Variants in PLCB1 observed in about 807,000 individuals in gnomAD.
PLCB1 encodes 1-phosphatidylinositol 4,5-bisphosphate phosphodiesterase beta-1.
Under a neutral mutation model 161.8 loss-of-function variants are expected in PLCB1, and 46 were observed. The observed-to-expected ratio is 0.28, with a 90% CI of 0.22 to 0.36. PLCB1 has a LOEUF of 0.36. Ranked by LOEUF, PLCB1 falls within the 10% of genes least tolerant of loss-of-function variation. PLCB1 has a pLI of 1.00. For missense variants in PLCB1, 1,016 were observed against 1,472.5 expected (o/e 0.69, Z 5.07); for synonymous variants, 517 against 503.7 (o/e 1.03, Z -0.35).
chr20:8,658,463 C>G, intron 8 of PLCB1, 75 bp from the exon 9 acceptor site: 1 of 1,133,544 alleles, frequency 8.8e-7, no homozygotes, highest in Non-Finnish European at 1.3e-6. Flanking sequence ...TTTTATTTCC[C>G]TAGAGTTAAA....
intron 27 of PLCB1, among the ~76,000 whole-genome samples, chr20:8,784,379 A>G (rs1983380991): frequency 6.6e-6 from 1 of 152,110 alleles, no homozygotes; most frequent in Admixed American, 6.5e-5. Context: ...CCTGGGCAAC[A>G]TGGTGAAACC....
chr20:8,181,186 T>C (rs1279651873), intron 2 of PLCB1, among the ~76,000 whole-genome samples: 1 of 146,922 alleles, frequency 6.8e-6, no homozygotes, highest in Non-Finnish European at 1.5e-5. Context: ...GAGGCGGAGG[T>C]TGCAGTGAGC....
intron 3 of PLCB1, among the ~76,000 whole-genome samples, chr20:8,375,307 A>C (rs896825541): frequency 2.6e-5 from 4 of 152,202 alleles, no homozygotes; most frequent in Non-Finnish European, 5.9e-5. Context: ...TGCTATGTAC[A>C]TGTACTTTCT....
At chr20:8,423,297 A>T (rs1413672257) in intron 3 of PLCB1, among the ~76,000 whole-genome samples, 1 of 152,230 alleles carries the variant, frequency 6.6e-6, no homozygotes, top group Admixed American at 6.5e-5. Context: ...GAATGAATAA[A>T]GGAATGATGT....
intron 9 of PLCB1, among the ~76,000 whole-genome samples, chr20:8,668,301 G>T (rs1989864342): frequency 6.6e-6 from 1 of 152,114 alleles, no homozygotes; most frequent in East Asian, 1.9e-4. Flanking sequence ...GGAGATTCTG[G>T]AAGGTCTGTC....
At chr20:8,666,091 C>A (rs2123347560) in intron 9 of PLCB1, among the ~76,000 whole-genome samples, 1 of 152,250 alleles carries the variant, frequency 6.6e-6, no homozygotes, top group South Asian at 2.1e-4. Flanking sequence ...AGAATAAATA[C>A]CTTATCTTCC....
chr20:8,160,374 C>T (rs546634364), intron 2 of PLCB1, among the ~76,000 whole-genome samples: 2 of 152,304 alleles, frequency 1.3e-5, no homozygotes, highest in Admixed American at 1.3e-4. Context: ...CACCACACTA[C>T]TGGTACAATT....
intron 2 of PLCB1, among the ~76,000 whole-genome samples, chr20:8,184,930 A>G (rs1297373363): frequency 6.6e-6 from 1 of 151,686 alleles, no homozygotes; most frequent in African/African-American, 2.4e-5. Context: ...TCCTAATGCT[A>G]TCCCTCCCCT....
chr20:8,268,329 G>A (rs1982091805), intron 2 of PLCB1, among the ~76,000 whole-genome samples: 1 of 152,124 alleles, frequency 6.6e-6, no homozygotes, highest in African/African-American at 2.4e-5. Flanking sequence ...GTATTCCATG[G>A]TATATATGTG....
At chr20:8,463,984 C>A (rs1364289466) in intron 3 of PLCB1, among the ~76,000 whole-genome samples, 2 of 152,012 alleles carry the variant, frequency 1.3e-5, no homozygotes, top group African/African-American at 4.8e-5. Flanking sequence ...GGAAATCCTC[C>A]CGGGAGTATT....
chr20:8,676,574 T>G (rs1341228135), intron 9 of PLCB1, among the ~76,000 whole-genome samples: 1 of 152,172 alleles, frequency 6.6e-6, no homozygotes, highest in Non-Finnish European at 1.5e-5. Context: ...GGCAAGAGAT[T>G]AGATAGAAGT....
intron 2 of PLCB1, among the ~76,000 whole-genome samples, chr20:8,282,430 C>T (rs1982915550): frequency 6.6e-6 from 1 of 152,144 alleles, no homozygotes. Flanking sequence ...AGTCATCTGA[C>T]ATTTTAAATT....
intron 2 of PLCB1, among the ~76,000 whole-genome samples, chr20:8,357,907 C>T (rs1986413443): frequency 6.9e-6 from 1 of 144,992 alleles, no homozygotes; most frequent in African/African-American, 2.5e-5. Context: ...GAGTGTTCTT[C>T]TGCCTTGACA....
intron 7 of PLCB1, among the ~76,000 whole-genome samples, chr20:8,656,706 C>A (rs1989466760): frequency 6.8e-6 from 1 of 146,432 alleles, no homozygotes; most frequent in African/African-American, 2.5e-5. Context: ...ATAATTGACA[C>A]AAAATTGGAA....
At chr20:8,717,871 C>T in intron 14 of PLCB1, 23 bp downstream of exon 14, 2 of 1,592,512 alleles carry the variant, frequency 1.3e-6, no homozygotes, top group South Asian at 1.1e-5. Context: ...TGGGCTCTCC[C>T]CGTCATGTTT....
intron 9 of PLCB1, among the ~76,000 whole-genome samples, chr20:8,682,099 G>T (rs776778524): frequency 4.6e-5 from 7 of 152,112 alleles, no homozygotes; most frequent in African/African-American, 7.2e-5. Flanking sequence ...TGCATTTATC[G>T]TATGGTAGAT....
At chr20:8,320,195 TTAA>T in intron 2 of PLCB1, among the ~76,000 whole-genome samples, 1 of 152,206 alleles carries the variant, frequency 6.6e-6, no homozygotes, top group South Asian at 2.1e-4. Flanking sequence ...TGTGTTGTTG[TTAA>T]TAAAGTGTGT....
intron 3 of PLCB1, among the ~76,000 whole-genome samples, chr20:8,414,414 C>A (rs1338145205): frequency 2.0e-5 from 3 of 151,962 alleles, no homozygotes; most frequent in African/African-American, 7.3e-5. Flanking sequence ...TCTTGATGAC[C>A]CATGGAATTT....
intron 9 of PLCB1, among the ~76,000 whole-genome samples, chr20:8,669,794 G>A (rs1989900646): frequency 6.6e-6 from 1 of 152,170 alleles, no homozygotes; most frequent in Non-Finnish European, 1.5e-5. Context: ...CATGTTTTAA[G>A]TAGCTCATCA....
Sources: allele counts gnomAD v4.1 joint callset (sites outside exome capture counted in the v4.1 genomes callset), GRCh38; gene constraint gnomAD v4.1.1; transcripts MANE v1.5; gene names NCBI Gene and HGNC (gene_info 2026-07-23, HGNC 2026-07-21).